ALK: variants seen among roughly 807,000 people sequenced by gnomAD.
The protein encoded by ALK is ALK receptor tyrosine kinase, also known as ALK tyrosine kinase receptor.
A neutral mutation model predicts 163.1 loss-of-function variants in ALK; 74 were observed. That is an observed-to-expected ratio of 0.45 (90% confidence interval 0.38 to 0.55). ALK has a LOEUF of 0.55. Among genes scored for constraint, ALK ranks in the 20% least tolerant of loss-of-function variants. The pLI is 0.00. For synonymous variants in ALK, 960 were observed against 843.2 expected (o/e 1.14, Z -2.40); for missense variants, 2,063 against 2,105.3 (o/e 0.98, Z 0.39).
intron 1 of ALK, among the ~76,000 whole-genome samples, chr2:29,743,038 A>G (rs1573600054): frequency 6.6e-6 from 1 of 152,286 alleles, no homozygotes; most frequent in East Asian, 1.9e-4. Flanking sequence ...ATACAATTCA[A>G]TCTCAGCAGC....
At chr2:29,389,123 T>G (rs2148305692) in intron 4 of ALK, among the ~76,000 whole-genome samples, 1 of 152,348 alleles carries the variant, frequency 6.6e-6, no homozygotes, top group East Asian at 1.9e-4. Flanking sequence ...GCACACTAGC[T>G]AAAGTATTGG....
At chr2:29,577,054 T>C (rs1473862345) in intron 3 of ALK, among the ~76,000 whole-genome samples, 1 of 152,176 alleles carries the variant, frequency 6.6e-6, no homozygotes, top group Non-Finnish European at 1.5e-5. Flanking sequence ...GGAAAAATCA[T>C]CTTCCACGAA....
intron 4 of ALK, among the ~76,000 whole-genome samples, chr2:29,460,590 C>T (rs995141203): frequency 7.9e-5 from 12 of 152,080 alleles, no homozygotes; most frequent in Non-Finnish European, 1.6e-4. Flanking sequence ...GATCTGGGAT[C>T]AGTGATCTTT....
rs1411353677 is a variant in ALK, at chr2:29,239,752, G to A, written c.2283C>T (p.Gly761=). The A allele has an allele frequency of 3.7e-6, 6 of 1,614,038 alleles. No homozygotes were observed. The highest frequency in any genetic ancestry group is 5.1e-6 in the Non-Finnish European group (6 of 1,180,036). ...TGTCATCCTTCTCCAGGTTGAAGAT[G>A]CCCAGCACAGACACGCCGTGGGACC... The part of the protein sequence containing the change: ...MMRSHGVSVL[G]IFNLEKDDML... The change falls in exon 13 of 29, where the codon GGC becomes GGT. Residue 761 remains glycine (G), a synonymous_variant. Coordinates refer to ENST00000389048, the MANE Select transcript of ALK (RefSeq NM_004304.5).
At chr2:29,482,546 T>C (rs1671686969) in intron 4 of ALK, among the ~76,000 whole-genome samples, 1 of 152,146 alleles carries the variant, frequency 6.6e-6, no homozygotes, top group African/African-American at 2.4e-5. Flanking sequence ...AGTGACCTGA[T>C]GCTTTAAATA....
intron 4 of ALK, among the ~76,000 whole-genome samples, chr2:29,528,606 T>A (rs1220101784): frequency 6.6e-6 from 1 of 152,118 alleles, no homozygotes; most frequent in Non-Finnish European, 1.5e-5. Flanking sequence ...TGTGTCATCT[T>A]TGGCACCTGC....
intron 26 of ALK, among the ~76,000 whole-genome samples, chr2:29,201,589 C>T (rs533425168): frequency 1.4e-4 from 21 of 152,010 alleles, no homozygotes; most frequent in Non-Finnish European, 2.9e-4. Context: ...GAGTTCGAGA[C>T]CAGCCTGGCC....
intron 3 of ALK, among the ~76,000 whole-genome samples, chr2:29,665,385 T>C (rs1677484564): frequency 6.6e-6 from 1 of 152,044 alleles, no homozygotes; most frequent in Non-Finnish European, 1.5e-5. Context: ...ATTTTTTTCA[T>C]AAAATATTGT....
intron 2 of ALK, among the ~76,000 whole-genome samples, chr2:29,714,907 T>C (rs1331369088): frequency 1.3e-5 from 2 of 152,302 alleles, no homozygotes; most frequent in East Asian, 3.9e-4. Flanking sequence ...CTCTTGGCCT[T>C]AGCTCTGTCT....
intron 1 of ALK, among the ~76,000 whole-genome samples, chr2:29,806,134 T>C (rs1244580998): frequency 6.6e-6 from 1 of 152,196 alleles, no homozygotes; most frequent in Admixed American, 6.5e-5. Context: ...TTTCATAGTC[T>C]TCTAACTGTG....
At chr2:29,511,095 T>C (rs1181789376) in intron 4 of ALK, among the ~76,000 whole-genome samples, 1 of 152,208 alleles carries the variant, frequency 6.6e-6, no homozygotes, top group Non-Finnish European at 1.5e-5. Flanking sequence ...TTTTTCTAGG[T>C]ATTTTTACAA....
chr2:29,371,876 A>T (rs1166608131), intron 5 of ALK, among the ~76,000 whole-genome samples: 3 of 152,210 alleles, frequency 2.0e-5, no homozygotes, highest in Admixed American at 6.5e-5. Context: ...TCCACCCTGG[A>T]GTGATGCCTT....
At chr2:29,883,831 C>T (rs1666924761) in intron 1 of ALK, among the ~76,000 whole-genome samples, 1 of 151,844 alleles carries the variant, frequency 6.6e-6, no homozygotes, top group South Asian at 2.1e-4. Context: ...TTTGAGAAAA[C>T]TCACAGATAT....
intron 3 of ALK, among the ~76,000 whole-genome samples, chr2:29,625,287 A>G (rs1006829907): frequency 4.6e-5 from 7 of 152,242 alleles, no homozygotes; most frequent in African/African-American, 9.6e-5. Context: ...CTGCAGTTCA[A>G]CTTCCAAATT....
intron 3 of ALK, among the ~76,000 whole-genome samples, chr2:29,543,904 T>C (rs1483969038): frequency 1.3e-5 from 2 of 152,214 alleles, no homozygotes; most frequent in Non-Finnish European, 2.9e-5. Flanking sequence ...AGGAGACAAA[T>C]GTTCAATCCA....
chr2:29,391,141 A>C (rs994320006), intron 4 of ALK, among the ~76,000 whole-genome samples: 1 of 152,172 alleles, frequency 6.6e-6, no homozygotes, highest in East Asian at 1.9e-4. Flanking sequence ...TTTTCATTTC[A>C]TCAGAGATGT....
intron 1 of ALK, among the ~76,000 whole-genome samples, chr2:29,839,389 G>A (rs896531851): frequency 2.0e-5 from 3 of 152,164 alleles, no homozygotes; most frequent in African/African-American, 7.2e-5. Context: ...ACTGGTAGAA[G>A]AATGAGTGGC....
chr2:29,632,260 G>A (rs1676400434), intron 3 of ALK, among the ~76,000 whole-genome samples: 1 of 152,160 alleles, frequency 6.6e-6, no homozygotes, highest in African/African-American at 2.4e-5. Flanking sequence ...TTTCCTTGTA[G>A]AGTACAGGGT....
intron 4 of ALK, among the ~76,000 whole-genome samples, chr2:29,407,634 A>T (rs1669616993): frequency 6.6e-6 from 1 of 152,262 alleles, no homozygotes; most frequent in Admixed American, 6.5e-5. Flanking sequence ...CTGTCTTTAT[A>T]TGCAAAGTAA....
Sources: allele counts gnomAD v4.1 joint callset (sites outside exome capture counted in the v4.1 genomes callset), GRCh38; gene constraint gnomAD v4.1.1; transcripts MANE v1.5; gene names NCBI Gene and HGNC (gene_info 2026-07-23, HGNC 2026-07-21).